Variants in ZFP64 observed in about 807,000 individuals in gnomAD.
ZFP64 encodes the protein zinc finger protein 64.
In ZFP64, 14 loss-of-function variants were observed where a neutral mutation model predicts 51.6. The observed-to-expected ratio is 0.27, with a 90% CI of 0.18 to 0.42. ZFP64 has a LOEUF of 0.42. Among genes scored for constraint, ZFP64 ranks in the 10% least tolerant of loss-of-function variants. ZFP64 has a pLI of 1.00. For synonymous variants in ZFP64, 375 were observed against 361.4 expected, an observed-to-expected ratio of 1.04 and a Z score of -0.43; for missense variants, 754 against 906.8, an observed-to-expected ratio of 0.83 and a Z score of 2.16.
At chr20:52,168,649 A>G (rs922012636) in intron 2 of ZFP64, among the ~76,000 whole-genome samples, 1 of 152,150 alleles carries the variant, frequency 6.6e-6, no homozygotes, top group South Asian at 2.1e-4. Flanking sequence ...TGTCTATATG[A>G]GGAATTCCAC....
rs967614806 is a variant in ZFP64 at position 52,160,522 on chromosome 20, G to C, written c.512-148C>G. 9.1e-7 allele frequency: 1 copy of C among 1,098,102 alleles called. No homozygotes were observed. Among genetic ancestry groups the C allele is most frequent in the South Asian group, 1.9e-5 (1 of 53,474 alleles). The allele number at this position is 1,098,102 out of a possible 1,614,324, so 68.0% of individuals were successfully genotyped here. ...AAACACTGGGTGGATGATTGGCAAA[G>C]AGCTAACATCTTGGGAGAGGGGAAG... On this transcript the variant is annotated intron_variant, in intron 4 of 5. Coordinates refer to ENST00000216923, the MANE Select transcript of ZFP64 (RefSeq NM_018197.3). The surrounding 1 kb of genome is among the most constrained non-coding windows in gnomAD (Gnocchi z 4.2).
At chr20:52,107,940 C>A (rs1410985963) in intron 5 of ZFP64, among the ~76,000 whole-genome samples, 3 of 152,180 alleles carry the variant, frequency 2.0e-5, no homozygotes, top group Non-Finnish European at 4.4e-5. Flanking sequence ...TAAGAAATAA[C>A]GTAGGTCAGT....
chr20:52,094,002 T>C (rs1437898250), intron 7 of ZFP64, among the ~76,000 whole-genome samples: 1 of 152,206 alleles, frequency 6.6e-6, no homozygotes, highest in Non-Finnish European at 1.5e-5. Context: ...AAGACATCTT[T>C]TTGAGAAGAG....
At chr20:52,084,363 G>T in exon 9 of ZFP64, 2 of 586,840 alleles carry the variant, frequency 3.4e-6, no homozygotes, top group South Asian at 4.8e-5. Context: ...CAAATGCGAG[G>T]AGTGTCTCCA....
At chr20:52,167,339 A>C (rs1483995559) in intron 2 of ZFP64, among the ~76,000 whole-genome samples, 4 of 151,990 alleles carry the variant, frequency 2.6e-5, no homozygotes, top group African/African-American at 9.7e-5. Flanking sequence ...AAAAATAAAA[A>C]ATAAATAAAA....
In ZFP64 at chr20:52,094,826, A is replaced by C. The variant is rs146475104; in HGVS notation, c.976+2547T>G. Among the ~76,000 whole-genome samples, 1,188 of 152,326 alleles carry C rather than the reference A, an allele frequency of 7.8e-3. 14 individuals carry two copies. Among genetic ancestry groups the C allele is most frequent in the African/African-American group, 0.027 (1,127 of 41,580 alleles). On this transcript the variant is annotated intron_variant, in intron 7 of 8. Coordinates refer to the ZFP64 transcript ENST00000361387. Reference sequence around the variant, plus strand: ...CTATTCCCAGTTAAACACACACCTCAGTATTCCTAGCTTTCTGAGCTTGGT... The same window carrying C: ...CTATTCCCAGTTAAACACACACCTCCGTATTCCTAGCTTTCTGAGCTTGGT...
chr20:52,110,576 G>C (rs1236332984), intron 5 of ZFP64: 1 of 716,364 alleles, frequency 1.4e-6, no homozygotes, highest in African/African-American at 1.8e-5. Flanking sequence ...TGGTCCTGCC[G>C]CTGCTTCCAG....
At position 52,191,504 on chromosome 20, in the gene ZFP64, C is replaced by T. The variant is rs896127499; in HGVS notation, c.46+87G>A. The T allele has an allele frequency of 5.6e-5, 78 of 1,403,884 alleles. 1 individual carries two copies. Among genetic ancestry groups the T allele is most frequent in the Non-Finnish European group, 5.4e-5 (58 of 1,077,192 alleles). 87.0% of individuals were successfully genotyped at this position (1,403,884 alleles called of 1,614,324 possible). ...CCCCGATTTCGGGGCCCCGGGCCTG[C>T]TGGCTGCGTCGCAGACGTGCTTGGG... On this transcript the variant is annotated intron_variant, in intron 1 of 5. Coordinates refer to ENST00000216923, the MANE Select transcript of ZFP64 (RefSeq NM_018197.3). The surrounding 1 kb of genome is among the most constrained non-coding windows in gnomAD (Gnocchi z 4.3).
chr20:52,097,011 C>T, intron 7 of ZFP64: 4 of 596,842 alleles, frequency 6.7e-6, no homozygotes, highest in Non-Finnish European at 1.3e-5. Context: ...AGCATGCCAA[C>T]AGGCTGAGTT....
chr20:52,087,058 A>G (rs2078872547), intron 8 of ZFP64, among the ~76,000 whole-genome samples: 1 of 152,142 alleles, frequency 6.6e-6, no homozygotes, highest in South Asian at 2.1e-4. Context: ...GGCTGGGTAT[A>G]GAATTCTAAG....
In ZFP64 at chr20:52,152,814, C is replaced by T. The variant is rs748012399; in HGVS notation, c.1378G>A (p.Val460Ile). The T allele has an allele frequency of 6.8e-6, 11 of 1,612,176 alleles. No individual in the cohort carries two copies. The highest frequency in any genetic ancestry group is 2.2e-5 in the East Asian group (1 of 44,832). ...YSESKNSDVT[V>I]LQFQIDPSKQ... ...CTGGGGTCGATCTGAAACTGGAGAACGGTCACGTCCGAGTTCTTACTCTCA... is the reference window on the plus strand; with the variant it reads ...CTGGGGTCGATCTGAAACTGGAGAATGGTCACGTCCGAGTTCTTACTCTCA... The change falls in exon 6 of 6, where the codon GTT (valine) becomes ATT (isoleucine). Residue 460 changes from valine (V) to isoleucine (I), a missense_variant. Physicochemically the swap from Val to Ile is conservative, Grantham distance 29. Coordinates refer to ENST00000216923, the MANE Select transcript of ZFP64 (RefSeq NM_018197.3).
chr20:52,143,744 T>C (rs1456586406), intron 5 of ZFP64, among the ~76,000 whole-genome samples: 1 of 141,734 alleles, frequency 7.1e-6, no homozygotes, highest in African/African-American at 2.5e-5. Flanking sequence ...AGACAGGGTC[T>C]CCCCTATGCT....
intron 5 of ZFP64, among the ~76,000 whole-genome samples, chr20:52,139,819 G>A (rs1980164216): frequency 6.9e-6 from 1 of 145,176 alleles, no homozygotes; most frequent in African/African-American, 2.5e-5. Context: ...ATTGTCCTTA[G>A]TTTTATTGTG....
chr20:52,160,204 C>G lies in ZFP64; in HGVS notation c.682G>C (p.Glu228Gln). Reference protein sequence around the residue: ...LNKHLRIHSDERPFKCQICPY... With the variant: ...LNKHLRIHSDQRPFKCQICPY... ...CAGATCTGGCATTTGAAGGGCCGCT[C>G]GTCCGAGTGGATCCTCAGGTGCTTG... Residue 228 changes from glutamate to glutamine, a missense_variant, in exon 5 of 6, where the codon GAG becomes CAG. Around this residue, in one of 3 missense-constraint regions of ZFP64, gnomAD observed 231 missense variants for 336.7 expected, o/e 0.69. Transcript: ENST00000216923. The surrounding 1 kb of genome is among the most constrained non-coding windows in gnomAD (Gnocchi z 4.2). The G allele has an allele frequency of 6.2e-7, 1 of 1,614,174 alleles. No individual in the cohort carries two copies. The highest frequency in any genetic ancestry group is 8.5e-7 in the Non-Finnish European group (1 of 1,180,038).
At chr20:52,185,164 C>T (rs548269923) in intron 2 of ZFP64, among the ~76,000 whole-genome samples, 2 of 152,240 alleles carry the variant, frequency 1.3e-5, no homozygotes, top group African/African-American at 2.4e-5. Context: ...GCTGGGATTA[C>T]AGGCACGTGA....
chr20:52,085,056 G>A lies in ZFP64; in HGVS notation c.1439C>T (p.Ala480Val). The stretch of plus-strand genomic sequence containing the variant: ...CAGCCGGCTGTGCTCCAGGAGGTCA[G>A]CCCGGTCCCGGCCCTGGAAGGCACA... Residue 480 changes from alanine to valine, a missense_variant, in exon 9 of 9, where the codon GCT becomes GTT. Coordinates refer to the ZFP64 transcript ENST00000361387. The surrounding 1 kb of genome is among the most constrained non-coding windows in gnomAD (Gnocchi z 4.3). The A allele has an allele frequency of 6.2e-7, 1 of 1,614,220 alleles. No homozygotes were observed. Among genetic ancestry groups the A allele is most frequent in the South Asian group, 1.1e-5 (1 of 91,090 alleles).
At chr20:52,101,551 T>G (rs1641355008) in intron 5 of ZFP64, among the ~76,000 whole-genome samples, 1 of 152,030 alleles carries the variant, frequency 6.6e-6, no homozygotes, top group South Asian at 2.1e-4. Flanking sequence ...TATTTTTGTA[T>G]TTTTTTGTAG....
At chr20:52,105,603 C>A in intron 5 of ZFP64, 1 of 176,312 alleles carries the variant, frequency 5.7e-6, no homozygotes. Flanking sequence ...TTAACGAGAT[C>A]CCCAGGTGAT....
chr20:52,099,592 A>G (rs948535225), intron 5 of ZFP64, among the ~76,000 whole-genome samples: 4 of 152,250 alleles, frequency 2.6e-5, no homozygotes, highest in Non-Finnish European at 5.9e-5. Flanking sequence ...AGTTTGCTAC[A>G]GGGGTTTTAT....
Sources: allele counts gnomAD v4.1 joint callset (sites outside exome capture counted in the v4.1 genomes callset), GRCh38; gene constraint gnomAD v4.1.1; regional missense constraint gnomAD v4.1.1; non-coding constraint Gnocchi (gnomAD v3.1); transcripts MANE v1.5; gene names NCBI Gene and HGNC (gene_info 2026-07-23, HGNC 2026-07-21).